The following AFF1 variants were observed in gnomAD, a reference collection of about 807,000 sequenced individuals.
AFF1 encodes ALF transcription elongation factor 1.
In AFF1, 48 loss-of-function variants were observed where a neutral mutation model predicts 121.7. The observed-to-expected ratio is 0.39, with a 90% CI of 0.31 to 0.50. The LOEUF is 0.50. Among genes scored for constraint, AFF1 ranks in the 20% least tolerant of loss-of-function variants. The pLI, the probability that AFF1 is intolerant of heterozygous loss-of-function variation, is 0.76. For synonymous variants in AFF1, 613 were observed against 563.0 expected, an observed-to-expected ratio of 1.09 and a Z score of -1.26; for missense variants, 1,523 against 1,511.7, an observed-to-expected ratio of 1.01 and a Z score of -0.12.
chr4:86,983,004 CTG>C (rs1233402959), intron 2 of AFF1, among the ~76,000 whole-genome samples: 11 of 152,066 alleles, frequency 7.2e-5, no homozygotes, highest in Admixed American at 7.2e-4. Flanking sequence ...AGCTCCAGAA[CTG>C]TGAGAAATAA....
intron 5 of AFF1, 118 bp from the exon 6 acceptor site, chr4:87,089,866 T>C (rs1724122319): frequency 4.3e-6 from 3 of 698,310 alleles, no homozygotes. Context: ...GAAATAACTT[T>C]TAAGATTGTA....
chr4:86,948,611 T>A, intron 2 of AFF1, 40 bp downstream of exon 2: 3 of 1,514,196 alleles, frequency 2.0e-6, no homozygotes, highest in Non-Finnish European at 2.7e-6. Flanking sequence ...TGCTGATATT[T>A]AATTTTATAA....
intron 4 of AFF1, among the ~76,000 whole-genome samples, chr4:87,068,403 T>G (rs934690171): frequency 3.9e-5 from 6 of 152,214 alleles, no homozygotes; most frequent in Non-Finnish European, 8.8e-5. Context: ...TTAGGCAGGT[T>G]TTAATAGGAA....
intron 2 of AFF1, among the ~76,000 whole-genome samples, chr4:86,970,818 GC>G (rs1722888959): frequency 6.6e-6 from 1 of 152,194 alleles, no homozygotes; most frequent in Admixed American, 6.5e-5. Context: ...GCGAGGGGGA[GC>G]TTGTGCATAG....
chr4:87,096,377 G>A (rs1479744623), intron 8 of AFF1, among the ~76,000 whole-genome samples: 1 of 137,772 alleles, frequency 7.3e-6, no homozygotes, highest in African/African-American at 2.7e-5. Context: ...ACAGACTACA[G>A]GGACACACCC....
At chr4:87,011,939 GAT>G (rs1726807102) in intron 2 of AFF1, among the ~76,000 whole-genome samples, 1 of 152,214 alleles carries the variant, frequency 6.6e-6, no homozygotes, top group Admixed American at 6.5e-5. Flanking sequence ...ACCGTGAAAA[GAT>G]ATTCCATAGC....
chr4:87,100,284 T>C (rs1394489196), intron 8 of AFF1, among the ~76,000 whole-genome samples: 4 of 152,132 alleles, frequency 2.6e-5, no homozygotes, highest in Non-Finnish European at 5.9e-5. Context: ...CACAAGCATA[T>C]TAACATTCCT....
At chr4:87,099,990 G>T (rs2149734454) in intron 8 of AFF1, among the ~76,000 whole-genome samples, 2 of 152,254 alleles carry the variant, frequency 1.3e-5, no homozygotes, top group South Asian at 2.1e-4. Context: ...GAAAGCTTTT[G>T]AAAACCTGAG....
At chr4:87,070,139 G>T (rs1396284051) in intron 4 of AFF1, among the ~76,000 whole-genome samples, 1 of 152,194 alleles carries the variant, frequency 6.6e-6, no homozygotes, top group Non-Finnish European at 1.5e-5. Flanking sequence ...GAGTAGCTGG[G>T]ATTACAGGCC....
At chr4:87,102,618 C>CA (rs1488232897) in intron 8 of AFF1, among the ~76,000 whole-genome samples, 1 of 152,088 alleles carries the variant, frequency 6.6e-6, no homozygotes, top group African/African-American at 2.4e-5. Context: ...TGTTATTCAA[C>CA]AAAGGGGTCC....
rs1729350931 is a variant in AFF1, at chr4:87,136,949, G to C, written c.*1248G>C. On this transcript the variant is annotated 3_prime_UTR_variant, in exon 21 of 21. Coordinates refer to ENST00000395146, the MANE Select transcript of AFF1 (RefSeq NM_001166693.3). Reference sequence around the variant, plus strand: ...CTCCAGAGTGTTCTCAGCTAGATTTGATTTGGTTGAGGAGGAACTGTGGCC... The same window carrying C: ...CTCCAGAGTGTTCTCAGCTAGATTTCATTTGGTTGAGGAGGAACTGTGGCC... The C allele has an allele frequency of 9.0e-6, 2 of 221,192 alleles. No homozygotes were observed. Among genetic ancestry groups the C allele is most frequent in the Non-Finnish European group, 1.8e-5 (2 of 110,422 alleles). 13.7% of individuals were successfully genotyped at this position (221,192 alleles called of 1,614,324 possible). A position where few individuals can be genotyped will look rare whatever the true frequency, so the allele number is the denominator to read the frequency against.
At chr4:87,072,694 A>T (rs1722214746) in intron 4 of AFF1, among the ~76,000 whole-genome samples, 1 of 151,262 alleles carries the variant, frequency 6.6e-6, no homozygotes, top group African/African-American at 2.4e-5. Context: ...CGCCTGGCTG[A>T]TTTTTTTTGT....
intron 2 of AFF1, among the ~76,000 whole-genome samples, chr4:86,996,589 G>A (rs563507462): frequency 9.9e-4 from 150 of 151,284 alleles, no homozygotes; most frequent in African/African-American, 3.5e-3. Flanking sequence ...AAACACTGCG[G>A]AAGGCCGCAG....
At chr4:87,111,070 C>T (rs1578270697) in intron 11 of AFF1, among the ~76,000 whole-genome samples, 2 of 64,668 alleles carry the variant, frequency 3.1e-5, no homozygotes, top group East Asian at 4.3e-4. Flanking sequence ...TGCAGTGGCG[C>T]GATCTCGGCT....
intron 2 of AFF1, among the ~76,000 whole-genome samples, chr4:86,965,101 C>T (rs1377741551): frequency 6.6e-6 from 1 of 152,182 alleles, no homozygotes; most frequent in African/African-American, 2.4e-5. Flanking sequence ...AGTTCTTACT[C>T]TGTTACTAAT....
At position 87,127,017 on chromosome 4, in the gene AFF1, T is replaced by TG. The variant is rs762321309; in HGVS notation, c.2812-9_2812-8insG. ...GAGTGTAATCTGTATATTGATTTTT[T>TG]TTTTGAAGGGTTCTTCCGGAGATAC... On this transcript the variant is annotated splice_polypyrimidine_tract_variant and intron_variant, in intron 14 of 20. Transcript: ENST00000395146. The TG allele has an allele frequency of 4.0e-5, 65 of 1,613,146 alleles. No homozygotes were observed. In the South Asian group the frequency reaches 6.9e-4, roughly 17 times the overall value.
intron 4 of AFF1, among the ~76,000 whole-genome samples, chr4:87,067,388 T>C (rs2280952): frequency 0.39 from 59,513 of 152,040 alleles, 11,858 homozygotes; most frequent in Middle Eastern, 0.42. Context: ...TGAGAATTCC[T>C]GTTTGCAAAG....
intron 8 of AFF1, 26 bp from the exon 9 acceptor site, chr4:87,105,601 TC>T (rs1725831714): frequency 6.2e-7 from 1 of 1,613,966 alleles, no homozygotes; most frequent in Non-Finnish European, 8.5e-7. Context: ...TCACATTCAT[TC>T]TTCTCTGTGT....
At chr4:87,056,903 T>C (rs1013062613) in intron 4 of AFF1, among the ~76,000 whole-genome samples, 1 of 152,190 alleles carries the variant, frequency 6.6e-6, no homozygotes, top group African/African-American at 2.4e-5. Flanking sequence ...TCCCATGTGG[T>C]AGGGTACTGT....
Sources: gnomAD v4.1 joint callset for allele counts (sites outside exome capture counted in the v4.1 genomes callset) on GRCh38, gnomAD v4.1.1 for gene constraint, MANE v1.5 for transcripts, NCBI Gene and HGNC (gene_info 2026-07-23, HGNC 2026-07-21) for gene names.